Variants in ERC2 observed in about 807,000 individuals in gnomAD.
ERC2 encodes the protein ELKS/RAB6-interacting/CAST family member 2, also known as ERC protein 2.
Under a neutral mutation model 114.8 loss-of-function variants are expected in ERC2, and 42 were observed. The observed-to-expected ratio is 0.37, with a 90% CI of 0.29 to 0.47. ERC2 has a LOEUF of 0.47. ERC2 is among the 20% of genes least tolerant of loss of function. The pLI is 0.99. For synonymous variants in ERC2, 454 were observed against 425.5 expected (o/e 1.07, Z -0.82); for missense variants, 939 against 1,150.7 (o/e 0.82, Z 2.66).
At chr3:56,424,542 T>C (rs1252240938) in intron 2 of ERC2, among the ~76,000 whole-genome samples, 2 of 152,332 alleles carry the variant, frequency 1.3e-5, no homozygotes, top group African/African-American at 4.8e-5. Flanking sequence ...GACAAAGATG[T>C]ATAGTTCACT....
intron 3 of ERC2, among the ~76,000 whole-genome samples, chr3:56,266,908 A>C (rs1032434535): frequency 1.3e-5 from 2 of 152,228 alleles, no homozygotes; most frequent in African/African-American, 4.8e-5. Context: ...CACCTCATAA[A>C]GATATCTGCA....
At chr3:55,692,633 G>T (rs2062724885) in intron 16 of ERC2, among the ~76,000 whole-genome samples, 1 of 152,170 alleles carries the variant, frequency 6.6e-6, no homozygotes, top group Admixed American at 6.5e-5. Context: ...CTACCTTATG[G>T]CTCTTTTGCC....
intron 6 of ERC2, among the ~76,000 whole-genome samples, chr3:56,106,466 T>C (rs1474575994): frequency 6.6e-6 from 1 of 152,200 alleles, no homozygotes; most frequent in Non-Finnish European, 1.5e-5. Context: ...TGTCCTGTTG[T>C]CCTAGTGTTG....
intron 2 of ERC2, among the ~76,000 whole-genome samples, chr3:56,365,668 A>G (rs896001153): frequency 6.6e-6 from 1 of 152,258 alleles, no homozygotes; most frequent in Non-Finnish European, 1.5e-5. Context: ...ATGTTATTTC[A>G]TGACACACAG....
chr3:55,934,647 T>C (rs1038515011), intron 13 of ERC2, among the ~76,000 whole-genome samples: 1 of 152,040 alleles, frequency 6.6e-6, no homozygotes, highest in Admixed American at 6.6e-5. Context: ...AAATGGGGAA[T>C]GGAAAAGAAA....
chr3:56,244,165 C>T (rs965098825), intron 3 of ERC2, among the ~76,000 whole-genome samples: 5 of 152,136 alleles, frequency 3.3e-5, no homozygotes, highest in Middle Eastern at 3.2e-3. Context: ...GCTAAAACTT[C>T]CTGTCACCGT....
At chr3:55,624,163 G>A (rs528229083) in intron 17 of ERC2, among the ~76,000 whole-genome samples, 1 of 152,122 alleles carries the variant, frequency 6.6e-6, no homozygotes, top group Non-Finnish European at 1.5e-5. Flanking sequence ...GGCAGATATT[G>A]GGCATTTTAG....
intron 6 of ERC2, among the ~76,000 whole-genome samples, chr3:56,127,658 G>C (rs2079953600): frequency 6.6e-6 from 1 of 151,878 alleles, no homozygotes; most frequent in African/African-American, 2.4e-5. Context: ...AGGAGGCAGA[G>C]GTTGCTATGA....
At chr3:55,683,765 T>C in intron 17 of ERC2, 29 bp downstream of exon 17, 5 of 1,572,886 alleles carry the variant, frequency 3.2e-6, no homozygotes, top group Non-Finnish European at 4.4e-6. Flanking sequence ...AATTTTTTAA[T>C]AAAAATGATA....
At chr3:56,399,396 T>G (rs771461520) in intron 2 of ERC2, among the ~76,000 whole-genome samples, 1 of 152,188 alleles carries the variant, frequency 6.6e-6, no homozygotes, top group Admixed American at 6.5e-5. Flanking sequence ...CAAAACACCT[T>G]TGAAATTCAC....
chr3:55,648,097 G>C (rs2060470299), intron 17 of ERC2, among the ~76,000 whole-genome samples: 1 of 152,234 alleles, frequency 6.6e-6, no homozygotes. Context: ...CTGGGGATAG[G>C]TTGGAAGGGT....
chr3:55,854,863 G>A (rs1244871203), intron 14 of ERC2, among the ~76,000 whole-genome samples: 6 of 152,102 alleles, frequency 3.9e-5, no homozygotes, highest in Admixed American at 3.9e-4. Flanking sequence ...GAGGCTGGTG[G>A]GGAGGGTGGG....
At chr3:55,561,383 C>T (rs1385068112) in intron 17 of ERC2, among the ~76,000 whole-genome samples, 1 of 152,068 alleles carries the variant, frequency 6.6e-6, no homozygotes, top group Non-Finnish European at 1.5e-5. Context: ...GCTGTGGGTG[C>T]ATTTCTGTGG....
chr3:55,868,810 A>C (rs1291275241), intron 14 of ERC2, among the ~76,000 whole-genome samples: 1 of 152,216 alleles, frequency 6.6e-6, no homozygotes, highest in Non-Finnish European at 1.5e-5. Flanking sequence ...CAAGTATTGA[A>C]ATAAGAAAAC....
At chr3:56,181,376 A>C (rs2083277440) in intron 3 of ERC2, among the ~76,000 whole-genome samples, 1 of 152,224 alleles carries the variant, frequency 6.6e-6, no homozygotes, top group Non-Finnish European at 1.5e-5. Flanking sequence ...TTTTATTGGA[A>C]CGCTGCTATG....
At chr3:56,465,476 T>A (rs1267070882) in intron 1 of ERC2, among the ~76,000 whole-genome samples, 1 of 152,186 alleles carries the variant, frequency 6.6e-6, no homozygotes, top group Non-Finnish European at 1.5e-5. Context: ...TTATACCTAA[T>A]CACTAATGGA....
At chr3:55,689,269 T>G (rs981613157) in intron 16 of ERC2, among the ~76,000 whole-genome samples, 1 of 133,556 alleles carries the variant, frequency 7.5e-6, no homozygotes, top group Non-Finnish European at 1.6e-5. Context: ...TTTTTTTTTT[T>G]GCATCGTCAT....
At chr3:56,432,340 A>G (rs2061828372) in intron 2 of ERC2, among the ~76,000 whole-genome samples, 1 of 152,226 alleles carries the variant, frequency 6.6e-6, no homozygotes, top group South Asian at 2.1e-4. Context: ...TGCTTGCACC[A>G]TTCCTAAACT....
chr3:56,195,470 T>A (rs1034641658), intron 3 of ERC2, among the ~76,000 whole-genome samples: 1 of 147,970 alleles, frequency 6.8e-6, no homozygotes, highest in African/African-American at 2.5e-5. Flanking sequence ...TATATGTATG[T>A]TTAGGGATGT....
Sources: allele counts gnomAD v4.1 joint callset (sites outside exome capture counted in the v4.1 genomes callset), GRCh38; gene constraint gnomAD v4.1.1; transcripts MANE v1.5; gene names NCBI Gene and HGNC (gene_info 2026-07-23, HGNC 2026-07-21).